DNAH3: variants seen among roughly 807,000 people sequenced by gnomAD.
DNAH3 encodes dynein axonemal heavy chain 3, also known as axonemal beta dynein heavy chain 3.
A neutral mutation model predicts 432.5 loss-of-function variants in DNAH3; 332 were observed. The observed-to-expected ratio is 0.77, with a 90% CI of 0.70 to 0.84. The LOEUF (loss-of-function observed/expected upper bound fraction) is 0.84, where lower values mean the gene tolerates loss of function less well. Among genes scored for constraint, DNAH3 ranks in the 40% least tolerant of loss-of-function variants. The probability of loss-of-function intolerance (pLI) is 0.00; values close to 1 mark genes in which losing one functional copy is unlikely to be tolerated. For missense variants in DNAH3, 4,861 were observed against 5,114.0 expected (o/e 0.95, Z 1.51); for synonymous variants, 1,956 against 1,900.2 (o/e 1.03, Z -0.76).
chr16:21,053,988 T>C (rs1442111986), intron 28 of DNAH3, among the ~76,000 whole-genome samples: 1 of 152,156 alleles, frequency 6.6e-6, no homozygotes, highest in African/African-American at 2.4e-5. Flanking sequence ...CTATTATAGC[T>C]GTATGCCTCT....
At chr16:20,934,658 G>C (rs1349784512) in intron 61 of DNAH3, among the ~76,000 whole-genome samples, 2 of 152,164 alleles carry the variant, frequency 1.3e-5, no homozygotes, top group Non-Finnish European at 2.9e-5. Context: ...TTGAACCATT[G>C]CAAGTAAAGG....
intron 41 of DNAH3, among the ~76,000 whole-genome samples, chr16:21,007,796 C>T (rs1485938075): frequency 1.3e-5 from 2 of 152,128 alleles, no homozygotes; most frequent in African/African-American, 4.8e-5. Context: ...TAAAAATGTG[C>T]ATCTATGTTT....
chr16:20,963,663 G>A (rs767504998), exon 53 of DNAH3: 2 of 1,614,030 alleles, frequency 1.2e-6, no homozygotes, highest in Admixed American at 1.7e-5. Context: ...CTGGATTGGG[G>A]TAGGGGTTAT....
At chr16:21,148,609 T>A (rs114697240) in intron 1 of DNAH3, among the ~76,000 whole-genome samples, 1 of 152,186 alleles carries the variant, frequency 6.6e-6, no homozygotes, top group African/African-American at 2.4e-5. Context: ...GTTCTCGGGA[T>A]AATGAAGAAA....
At chr16:20,952,374 G>T in intron 56 of DNAH3, 59 bp downstream of exon 56, 3 of 1,035,454 alleles carry the variant, frequency 2.9e-6, no homozygotes, top group Non-Finnish European at 4.6e-6. Context: ...GAGGAGAACA[G>T]CAGGAGGGTG....
At chr16:20,987,843 T>C (rs745692156) in exon 46 of DNAH3, 3 of 1,614,048 alleles carry the variant, frequency 1.9e-6, no homozygotes, top group Non-Finnish European at 2.5e-6. Context: ...CCAGCATCTT[T>C]CCGTACCTTG....
intron 32 of DNAH3, among the ~76,000 whole-genome samples, chr16:21,041,667 T>C (rs1007484258): frequency 2.0e-5 from 3 of 152,138 alleles, no homozygotes; most frequent in Non-Finnish European, 4.4e-5. Flanking sequence ...AGGTTTCTTT[T>C]CTTTCGCTTT....
At position 20,959,270 on chromosome 16, in the gene DNAH3, G is replaced by C. The variant is rs757844714; in HGVS notation, c.10735C>G (p.Gln3579Glu). The C allele has an allele frequency of 1.9e-6, 3 of 1,614,186 alleles. No homozygotes were observed. The Admixed American group carries it at 5.0e-5, about 27-fold the overall frequency. Residue 3579 changes from glutamine (Q) to glutamate (E), a missense_variant, in exon 54 of 62, where the codon CAG becomes GAG. Transcript: ENST00000261383. ...CAGCTTGCGGCCAGGTGGCAGTTCT[G>C]TAAGACCACCCAGGTCCCGTCTTTG...
intron 14 of DNAH3, among the ~76,000 whole-genome samples, chr16:21,109,446 G>A (rs913195754): frequency 6.6e-6 from 1 of 152,140 alleles, no homozygotes; most frequent in Non-Finnish European, 1.5e-5. Flanking sequence ...GTGCTGGGAA[G>A]ATGGTCACTA....
intron 1 of DNAH3, among the ~76,000 whole-genome samples, chr16:21,151,752 T>A (rs1202001491): frequency 6.6e-6 from 1 of 152,108 alleles, no homozygotes; most frequent in African/African-American, 2.4e-5. Context: ...GTGCACATAC[T>A]CAAAAGTAAC....
intron 41 of DNAH3, among the ~76,000 whole-genome samples, chr16:21,009,893 A>AAGAGGAGAGG (rs35449316): frequency 8.5e-6 from 1 of 117,214 alleles, no homozygotes; most frequent in East Asian, 2.8e-4. Flanking sequence ...AAGAAAAGAA[A>AAGAGGAGAGG]AGAGGAGAGG....
chr16:20,952,409 T>TG (rs771870160), intron 56 of DNAH3, 24 bp downstream of exon 56: 11 of 1,436,442 alleles, frequency 7.7e-6, no homozygotes, highest in Non-Finnish European at 1.1e-5. Context: ...AGGTTTACAG[T>TG]GGAAAAACTC....
intron 37 of DNAH3, among the ~76,000 whole-genome samples, chr16:21,029,728 T>C (rs549849516): frequency 7.9e-5 from 12 of 152,320 alleles, no homozygotes; most frequent in African/African-American, 2.4e-4. Flanking sequence ...TTTGCAAAGA[T>C]TGCTATATTT....
At chr16:21,090,752 G>A (rs2091508992) in intron 18 of DNAH3, among the ~76,000 whole-genome samples, 1 of 152,132 alleles carries the variant, frequency 6.6e-6, no homozygotes, top group Non-Finnish European at 1.5e-5. Context: ...GCAAAGGGAT[G>A]GGGAAGGAAA....
chr16:21,013,719 C>CAAAAAAAAAAAAAAAAAAAAAAACAAA (rs557641711), intron 41 of DNAH3, among the ~76,000 whole-genome samples: 1 of 47,428 alleles, frequency 2.1e-5, no homozygotes. Context: ...AACTCCATCT[C>CAAAAAAAAAAAAAAAAAAAAAAACAAA]AAAAAAAAAA....
Position 21,053,692 on chromosome 16 carries a change from G to C in DNAH3, c.4039+728C>G, listed in dbSNP as rs1425982707. 2.0e-5 allele frequency among the ~76,000 whole-genome samples: 3 copies of C among 152,164 alleles called. No individual in the cohort carries two copies. In the East Asian group the frequency reaches 5.8e-4, roughly 29 times the overall value. ...TAACCTGAGGGGAGTGAGATGCCATGAAATGCCAGGAGGGAGCTGGGAGTG... is the reference window on the plus strand; with the variant it reads ...TAACCTGAGGGGAGTGAGATGCCATCAAATGCCAGGAGGGAGCTGGGAGTG... On this transcript the variant is annotated intron_variant, in intron 28 of 61. Transcript: ENST00000261383.
chr16:21,062,769 C>A (rs2090407674), intron 24 of DNAH3, 86 bp from the exon 25 acceptor site: 2 of 1,011,476 alleles, frequency 2.0e-6, no homozygotes, highest in African/African-American at 1.6e-5. Context: ...AGGTAGTCCG[C>A]ACCTACGTGA....
chr16:20,979,465 G>C (rs1453335321), exon 50 of DNAH3: 1 of 1,614,004 alleles, frequency 6.2e-7, no homozygotes, highest in African/African-American at 1.3e-5. Context: ...GGGTAACATA[G>C]TTGTGTCTTC....
At chr16:21,055,758 T>C (rs1480021074) in intron 27 of DNAH3, among the ~76,000 whole-genome samples, 1 of 151,150 alleles carries the variant, frequency 6.6e-6, no homozygotes, top group Non-Finnish European at 1.5e-5. Flanking sequence ...TTTTTTTTTT[T>C]TTTTTGAGAT....
Sources: gnomAD v4.1 joint callset for allele counts (sites outside exome capture counted in the v4.1 genomes callset) on GRCh38, gnomAD v4.1.1 for gene constraint, MANE v1.5 for transcripts, NCBI Gene and HGNC (gene_info 2026-07-23, HGNC 2026-07-21) for gene names.